Variants in LIPI observed in about 807,000 individuals in gnomAD.
The protein encoded by LIPI is lipase member I.
LIPI carries 59 observed loss-of-function variants against 50.6 expected under a neutral mutation model. That is an observed-to-expected ratio of 1.16 (90% confidence interval 0.94 to 1.45). The LOEUF is 1.45. Among genes scored for constraint, LIPI ranks in the 40% most tolerant of loss-of-function variants. LIPI has a pLI of 0.00. For synonymous variants in LIPI, 203 were observed against 178.2 expected (o/e 1.14, Z -1.11); for missense variants, 586 against 536.3 (o/e 1.09, Z -0.92).
intron 9 of LIPI, among the ~76,000 whole-genome samples, chr21:14,124,327 T>C (rs1244052635): frequency 1.3e-5 from 2 of 152,206 alleles, no homozygotes. Context: ...AAAGAATTCA[T>C]GAATTTTACA....
intron 9 of LIPI, among the ~76,000 whole-genome samples, chr21:14,115,101 G>A (rs2016573230): frequency 1.3e-5 from 2 of 151,956 alleles, no homozygotes; most frequent in Admixed American, 6.6e-5. Flanking sequence ...AGCAACCTCC[G>A]CACCCCGCTC....
intron 9 of LIPI, among the ~76,000 whole-genome samples, chr21:14,121,537 A>G (rs1009381218): frequency 3.9e-5 from 6 of 152,248 alleles, no homozygotes; most frequent in African/African-American, 1.4e-4. Flanking sequence ...GAGGTAATAC[A>G]AGAAGTACAA....
chr21:14,125,578 C>G (rs567309203), intron 9 of LIPI, among the ~76,000 whole-genome samples: 2 of 152,248 alleles, frequency 1.3e-5, no homozygotes, highest in South Asian at 2.1e-4. Context: ...TTTGCTTTGA[C>G]ATAGAGCCTC....
chr21:14,166,667 A>C (rs1218145190), intron 4 of LIPI, among the ~76,000 whole-genome samples: 1 of 152,246 alleles, frequency 6.6e-6, no homozygotes, highest in Admixed American at 6.5e-5. Context: ...GCAGTTTACT[A>C]TCGGTCAGTC....
chr21:14,186,127 G>A, intron 2 of LIPI, 58 bp from the exon 3 acceptor site: 1 of 929,976 alleles, frequency 1.1e-6, no homozygotes, highest in Non-Finnish European at 1.8e-6. Flanking sequence ...AACAAATCAT[G>A]CCCCCCTCAT....
At chr21:14,117,168 C>T (rs911435617) in intron 9 of LIPI, among the ~76,000 whole-genome samples, 1 of 152,190 alleles carries the variant, frequency 6.6e-6, no homozygotes, top group Non-Finnish European at 1.5e-5. Context: ...TTTAGATGCA[C>T]AAAATGAGGT....
rs79478848 is a variant in LIPI at position 14,185,022 on chromosome 21, C to A, written c.541+939G>T. Among the ~76,000 whole-genome samples the A allele has an allele frequency of 7.6e-3, 1,164 of 152,160 alleles. 18 individuals are homozygous for A. Among genetic ancestry groups the A allele is most frequent in the African/African-American group, 0.026 (1,059 of 41,514 alleles). On this transcript the variant is annotated intron_variant, in intron 3 of 9. Transcript: ENST00000681601. ...AACACTTAAAGTTATTATAAGTCTT[C>A]TATGGCCATAGATATGAATAATTGC...
At chr21:14,149,363 C>T (rs1412520203) in intron 8 of LIPI, among the ~76,000 whole-genome samples, 1 of 152,176 alleles carries the variant, frequency 6.6e-6, no homozygotes, top group Non-Finnish European at 1.5e-5. Flanking sequence ...TGGTCCCGCC[C>T]TTGACAGGTG....
chr21:14,176,071 G>C (rs1231269342), intron 4 of LIPI, among the ~76,000 whole-genome samples: 2 of 151,566 alleles, frequency 1.3e-5, no homozygotes, highest in Non-Finnish European at 2.9e-5. Context: ...CCAGCTACTC[G>C]GGAGGCTGAG....
intron 9 of LIPI, among the ~76,000 whole-genome samples, chr21:14,132,653 A>T (rs2017339980): frequency 6.6e-6 from 1 of 152,132 alleles, no homozygotes; most frequent in Non-Finnish European, 1.5e-5. Flanking sequence ...CTTATAAAAC[A>T]CTCACACAAA....
chr21:14,146,798 T>TTTTTTTTTTTTTTG (rs2017923636), intron 8 of LIPI, among the ~76,000 whole-genome samples: 1 of 123,602 alleles, frequency 8.1e-6, no homozygotes, highest in Non-Finnish European at 1.7e-5. Context: ...TTTTTTTTTT[T>TTTTTTTTTTTTTTG]GAGATGGAGT....
chr21:14,202,332 T>C (rs943987783), intron 1 of LIPI, among the ~76,000 whole-genome samples: 4 of 152,034 alleles, frequency 2.6e-5, no homozygotes, highest in African/African-American at 4.8e-5. Flanking sequence ...GAAAAAACTA[T>C]TTTAAAGTTC....
intron 8 of LIPI, among the ~76,000 whole-genome samples, chr21:14,148,408 T>C (rs1021119483): frequency 5.9e-5 from 9 of 152,138 alleles, no homozygotes. Flanking sequence ...TCCCAAAACA[T>C]AATTAAATGT....
At chr21:14,166,317 C>T (rs1362453707) in intron 5 of LIPI, 45 bp downstream of exon 5, 1 of 1,058,348 alleles carries the variant, frequency 9.4e-7, no homozygotes, top group Non-Finnish European at 1.5e-6. Flanking sequence ...TTTCTTTCAT[C>T]ATTTCGAATA....
At chr21:14,114,738 G>A (rs563731303) in intron 9 of LIPI, among the ~76,000 whole-genome samples, 7 of 152,264 alleles carry the variant, frequency 4.6e-5, no homozygotes, top group South Asian at 4.1e-4. Flanking sequence ...TGGGGACATC[G>A]CCAAACCATG....
Position 14,189,071 on chromosome 21 carries a change from A to T in LIPI, c.395T>A (p.Val132Asp), listed in dbSNP as rs778070263. 1.2e-6 allele frequency: 2 copies of T among 1,609,372 alleles called. No individual in the cohort carries two copies. Among genetic ancestry groups the T allele is most frequent in the African/African-American group, 2.7e-5 (2 of 74,934 alleles). Residue 132 changes from valine (V) to aspartate (D), a missense_variant, in exon 2 of 10, where the codon GTT (valine) becomes GAT (aspartate). Physicochemically the swap from Val to Asp is radical, Grantham distance 152. Transcript: ENST00000681601. ...AATGTGCACACTCAAACTCACAGCA[A>T]CTTTTCTGGTGTTTTTAACTGCTCT... ...YNRAVKNTRK[V>D]AVSLSVHIKN... is the part of the protein sequence containing the mutation.
intron 8 of LIPI, among the ~76,000 whole-genome samples, chr21:14,150,895 G>A (rs926918383): frequency 8.6e-5 from 13 of 152,010 alleles, no homozygotes; most frequent in African/African-American, 1.4e-4. Context: ...AAAGGAAAAC[G>A]GATAATTGTT....
intron 1 of LIPI, among the ~76,000 whole-genome samples, chr21:14,204,843 T>C (rs890920013): frequency 2.0e-5 from 3 of 151,802 alleles, no homozygotes; most frequent in East Asian, 1.9e-4. Context: ...TGATCTCAGA[T>C]TGAAGAATAA....
chr21:14,130,977 G>C (rs1281719313), intron 9 of LIPI, among the ~76,000 whole-genome samples: 2 of 152,156 alleles, frequency 1.3e-5, no homozygotes, highest in African/African-American at 4.8e-5. Context: ...TTGAGACGGA[G>C]TCTTGCTCTG....
Sources: allele counts gnomAD v4.1 joint callset (sites outside exome capture counted in the v4.1 genomes callset), GRCh38; gene constraint gnomAD v4.1.1; transcripts MANE v1.5; gene names NCBI Gene and HGNC (gene_info 2026-07-23, HGNC 2026-07-21).